The following ASIC2 variants were observed in gnomAD, a reference collection of about 807,000 sequenced individuals.
The protein encoded by ASIC2 is acid-sensing ion channel 2.
In ASIC2, 25 loss-of-function variants were observed where a neutral mutation model predicts 57.3. The observed-to-expected ratio is 0.44, with a 90% CI of 0.32 to 0.61. The LOEUF (loss-of-function observed/expected upper bound fraction) is 0.61, where lower values mean the gene tolerates loss of function less well. Among genes scored for constraint, ASIC2 ranks in the 20% least tolerant of loss-of-function variants. The pLI, the probability that ASIC2 is intolerant of heterozygous loss-of-function variation, is 0.06. For missense variants in ASIC2, 641 were observed against 738.1 expected (o/e 0.87, Z 1.52); for synonymous variants, 319 against 307.5 (o/e 1.04, Z -0.39).
intron 1 of ASIC2, among the ~76,000 whole-genome samples, chr17:34,097,339 T>C (rs1910583490): frequency 6.6e-6 from 1 of 152,090 alleles, no homozygotes; most frequent in Non-Finnish European, 1.5e-5. Context: ...GTAGTTTGGG[T>C]TGGCATAAAT....
At chr17:33,418,213 A>C (rs1687815750) in intron 1 of ASIC2, among the ~76,000 whole-genome samples, 1 of 152,144 alleles carries the variant, frequency 6.6e-6, no homozygotes, top group South Asian at 2.1e-4. Flanking sequence ...GTAGATATTG[A>C]AGGGTAGGAT....
chr17:33,399,111 AG>A (rs765283270), intron 1 of ASIC2, among the ~76,000 whole-genome samples: 2 of 152,154 alleles, frequency 1.3e-5, no homozygotes, highest in Non-Finnish European at 2.9e-5. Context: ...GCAAAGAGGA[AG>A]GATCAGATGG....
chr17:33,971,096 A>ATG (rs1905216891), intron 1 of ASIC2, among the ~76,000 whole-genome samples: 1 of 151,646 alleles, frequency 6.6e-6, no homozygotes, highest in Non-Finnish European at 1.5e-5. Flanking sequence ...CAATGCGCAC[A>ATG]CCACTCAAAG....
In ASIC2 at chr17:33,464,465, TTCTTTCTTTCTTTTCTC is replaced by T. The variant is rs1450675679; in HGVS notation, c.556-352415_556-352399del. Among the ~76,000 whole-genome samples the T allele has an allele frequency of 6.3e-3, 556 of 87,640 alleles. 45 individuals are homozygous for T. Among genetic ancestry groups the T allele is most frequent in the African/African-American group, 0.013 (234 of 17,390 alleles). 57.5% of individuals were successfully genotyped at this position (87,640 alleles called of 152,430 possible). A position where few individuals can be genotyped will look rare whatever the true frequency, so the allele number is the denominator to read the frequency against. ...TACACATGCCTCTTTTTCTCTTTCT[TTCTTTCTTTCTTTTCTC>T]TCTTTCTTTCTTTCTTTCTTTCTTT... On this transcript the variant is annotated intron_variant, in intron 1 of 9. Transcript: ENST00000359872.
intron 1 of ASIC2, among the ~76,000 whole-genome samples, chr17:33,272,060 T>C (rs1311883626): frequency 2.0e-5 from 3 of 152,348 alleles, no homozygotes; most frequent in South Asian, 2.1e-4. Flanking sequence ...CCAGAGCACC[T>C]TGCCTCTAGG....
intron 1 of ASIC2, among the ~76,000 whole-genome samples, chr17:33,801,531 C>G (rs1236363581): frequency 1.3e-5 from 2 of 152,042 alleles, no homozygotes; most frequent in African/African-American, 4.8e-5. Flanking sequence ...CTGAGGGACC[C>G]TGGGTGAGTT....
chr17:33,237,215 G>C (rs974366361), intron 1 of ASIC2, among the ~76,000 whole-genome samples: 1 of 152,192 alleles, frequency 6.6e-6, no homozygotes, highest in African/African-American at 2.4e-5. Context: ...AAAGTCCCAA[G>C]TGGATGTTAG....
At position 33,018,730 on chromosome 17, in the gene ASIC2, G is replaced by A. The variant is rs546229130; in HGVS notation, c.1442-1046C>T. Among the ~76,000 whole-genome samples the A allele has an allele frequency of 5.3e-5, 8 of 152,244 alleles. No individual in the cohort carries two copies. In the South Asian group the frequency reaches 1.7e-3, roughly 32 times the overall value. On this transcript the variant is annotated intron_variant, in intron 7 of 9. Transcript: ENST00000225823. ...TCTCCAAAGGATATTTGGTGGTGGT[G>A]GCAGGATGGAGGGGGTTGGATGAGA... is the stretch of plus-strand genomic sequence containing the variant.
intron 1 of ASIC2, among the ~76,000 whole-genome samples, chr17:34,119,849 C>T (rs1244505213): frequency 6.6e-6 from 1 of 152,094 alleles, no homozygotes; most frequent in African/African-American, 2.4e-5. Flanking sequence ...TTGAAGTCCC[C>T]CATGGTGCCT....
intron 1 of ASIC2, chr17:33,794,763 A>G (rs748997393): frequency 2.6e-5 from 4 of 152,164 alleles, no homozygotes; most frequent in African/African-American, 9.7e-5. Context: ...TTGATATAGC[A>G]TATTTATTAA....
intron 1 of ASIC2, among the ~76,000 whole-genome samples, chr17:33,894,294 A>G (rs1915033748): frequency 6.6e-6 from 1 of 151,038 alleles, no homozygotes; most frequent in Non-Finnish European, 1.5e-5. Context: ...GGGAGGAAGA[A>G]GAGAAGAGGG....
At chr17:33,464,488 C>CTT in intron 1 of ASIC2, among the ~76,000 whole-genome samples, 1 of 35,900 alleles carries the variant, frequency 2.8e-5, no homozygotes, top group East Asian at 4.7e-4. Flanking sequence ...TTCTCTCTTT[C>CTT]TTTCTTTCTT....
chr17:33,731,365 G>C (rs1208725008), intron 1 of ASIC2, among the ~76,000 whole-genome samples: 1 of 152,160 alleles, frequency 6.6e-6, no homozygotes, highest in African/African-American at 2.4e-5. Context: ...CCTTGCATTA[G>C]AACAGAATTG....
intron 1 of ASIC2, among the ~76,000 whole-genome samples, chr17:33,370,450 G>C (rs1315719941): frequency 6.6e-6 from 1 of 152,202 alleles, no homozygotes; most frequent in East Asian, 1.9e-4. Context: ...AAATGTAAAT[G>C]CAAGTGCAAG....
At chr17:34,058,253 G>T (rs916130854) in intron 1 of ASIC2, among the ~76,000 whole-genome samples, 1 of 152,320 alleles carries the variant, frequency 6.6e-6, no homozygotes, top group Non-Finnish European at 1.5e-5. Context: ...GCACCTCCGA[G>T]TTTTCTTTGA....
chr17:33,497,721 C>A (rs899547152), intron 1 of ASIC2, among the ~76,000 whole-genome samples: 1 of 152,024 alleles, frequency 6.6e-6, no homozygotes, highest in African/African-American at 2.4e-5. Context: ...ACCTTACAAT[C>A]GCCCTGAGGG....
Position 33,292,270 on chromosome 17 carries a change from T to A in ASIC2, c.-155A>T. The A allele has an allele frequency of 5.1e-6, 5 of 986,422 alleles. No individual in the cohort carries two copies. Among genetic ancestry groups the A allele is most frequent in the Non-Finnish European group, 6.0e-6 (5 of 832,590 alleles). The allele number at this position is 986,422 out of a possible 1,614,324, so 61.1% of individuals were successfully genotyped here. On this transcript the variant is annotated 5_prime_UTR_variant, in exon 1 of 10. The change abolishes an upstream ATG in the 5' untranslated region. Coordinates refer to ENST00000225823, the MANE Select transcript of ASIC2 (RefSeq NM_183377.2). ...CGAAAGGAGCTCCGGTGGCGCGGCATGCCCGCCCGGCGCCGCCGCTGCCGC... is the reference window on the plus strand; with the variant it reads ...CGAAAGGAGCTCCGGTGGCGCGGCAAGCCCGCCCGGCGCCGCCGCTGCCGC...
intron 1 of ASIC2, among the ~76,000 whole-genome samples, chr17:33,273,277 G>A (rs1334501198): frequency 3.3e-5 from 5 of 152,286 alleles, no homozygotes; most frequent in Non-Finnish European, 4.4e-5. Context: ...AGCTGGAGTG[G>A]AGAATTAAAA....
chr17:33,254,071 TTG>T (rs958507549), intron 1 of ASIC2, among the ~76,000 whole-genome samples: 26 of 152,284 alleles, frequency 1.7e-4, no homozygotes, highest in Admixed American at 1.4e-3. Context: ...TTTCCATCAA[TTG>T]CTAATGGTTT....
Sources: allele counts gnomAD v4.1 joint callset (sites outside exome capture counted in the v4.1 genomes callset), GRCh38; gene constraint gnomAD v4.1.1; transcripts MANE v1.5; gene names NCBI Gene and HGNC (gene_info 2026-07-23, HGNC 2026-07-21).